Variants in PALM observed in about 807,000 individuals in gnomAD.
PALM encodes paralemmin, also known as paralemmin-1.
In PALM, 18 loss-of-function variants were observed where a neutral mutation model predicts 30.7. The ratio of observed to expected loss-of-function variants is 0.59; its 90% CI spans 0.41 to 0.87. PALM has a LOEUF of 0.87. Ranked by LOEUF, PALM falls within the 40% of genes least tolerant of loss-of-function variation. The pLI is 0.00. For missense variants in PALM, 529 were observed against 555.4 expected, an observed-to-expected ratio of 0.95 and a Z score of 0.48; for synonymous variants, 286 against 242.8, an observed-to-expected ratio of 1.18 and a Z score of -1.66.
chr19:709,189 G>A lies in PALM; in HGVS notation c.5+38G>A. ...GCTCGGGCCGCGGGGCTGGGGGCCC[G>A]GAGCTCCGGGAGCCGGGGAGGGGGG... On this transcript the variant is annotated intron_variant, in intron 1 of 8. Transcript: ENST00000338448. This position sits in a 1 kb window ranked among gnomAD's most constrained non-coding sequence, Gnocchi z 4.3. The A allele has an allele frequency of 3.2e-6, 1 of 312,940 alleles. No individual in the cohort carries two copies. Among genetic ancestry groups the A allele is most frequent in the Non-Finnish European group, 5.9e-6 (1 of 170,832 alleles). The allele number at this position is 312,940 out of a possible 1,614,324, so 19.4% of individuals were successfully genotyped here. A position where few individuals can be genotyped will look rare whatever the true frequency, so the allele number is the denominator to read the frequency against.
chr19:721,755 G>T (rs528368078), intron 1 of PALM, among the ~76,000 whole-genome samples: 12 of 151,382 alleles, frequency 7.9e-5, no homozygotes, highest in African/African-American at 2.4e-4. Flanking sequence ...GTGCCACCAT[G>T]CCCGGCTAAT....
At chr19:711,689 G>T (rs2032085070) in intron 1 of PALM, among the ~76,000 whole-genome samples, 1 of 152,174 alleles carries the variant, frequency 6.6e-6, no homozygotes, top group African/African-American at 2.4e-5. Context: ...GCCCAGTGTT[G>T]ATCACAATAT....
intron 1 of PALM, among the ~76,000 whole-genome samples, chr19:725,936 C>A (rs1167694558): frequency 6.6e-6 from 1 of 152,210 alleles, no homozygotes; most frequent in Non-Finnish European, 1.5e-5. Flanking sequence ...CTAGGCAGAG[C>A]CTCGTCCCCT....
chr19:717,317 TCCC>T (rs1161258100), intron 1 of PALM, among the ~76,000 whole-genome samples: 7 of 150,000 alleles, frequency 4.7e-5, no homozygotes, highest in Admixed American at 3.3e-4. Context: ...CCCGTCCCCC[TCCC>T]CCCAGCCCTC....
At chr19:722,171 G>A (rs966890350) in intron 1 of PALM, among the ~76,000 whole-genome samples, 5 of 152,062 alleles carry the variant, frequency 3.3e-5, no homozygotes, top group South Asian at 4.1e-4. Context: ...GCCCGCCTCG[G>A]CCTCCCAAAG....
At chr19:718,288 C>G (rs188493140) in intron 1 of PALM, among the ~76,000 whole-genome samples, 2 of 152,230 alleles carry the variant, frequency 1.3e-5, no homozygotes, top group Non-Finnish European at 2.9e-5. Context: ...GAGGAGGTGA[C>G]GTCTGCAGAA....
rs571716758 is a variant in PALM, at chr19:746,959, G to A, written c.*145G>A. On this transcript the variant is annotated 3_prime_UTR_variant, in exon 9 of 9. Coordinates refer to ENST00000338448, the MANE Select transcript of PALM (RefSeq NM_002579.3). The surrounding 1 kb of genome is among the most constrained non-coding windows in gnomAD (Gnocchi z 7.1). ...ACATGTTCCTTCCGAGTTTTCTTTC[G>A]CTGGAAAGAGGGACAGGGGCCCCCA... 31 of 625,282 alleles carry A rather than the reference G, an allele frequency of 5.0e-5. No individual in the cohort carries two copies. The highest frequency in any genetic ancestry group is 2.8e-4 in the South Asian group (14 of 50,566). 38.7% of individuals were successfully genotyped at this position (625,282 alleles called of 1,614,324 possible). A position where few individuals can be genotyped will look rare whatever the true frequency, so the allele number is the denominator to read the frequency against.
chr19:746,599 G>A lies in PALM; in HGVS notation c.949G>A (p.Val317Met), dbSNP rs1242742042. Residue 317 changes from valine (V) to methionine (M), a missense_variant, in exon 9 of 9, where the codon GTG becomes ATG. Physicochemically the swap from Val to Met is conservative, Grantham distance 21 (BLOSUM62 1). Coordinates refer to ENST00000338448, the MANE Select transcript of PALM (RefSeq NM_002579.3). This position sits in a 1 kb window ranked among gnomAD's most constrained non-coding sequence, Gnocchi z 7.1. ...NVEDEAETKK[V>M]LGLQDTITAE... ...GGAGGATGAGGCCGAGACCAAGAAG[G>A]TGCTGGGCCTTCAAGATACCATCAC... 1.5e-5 allele frequency: 25 copies of A among 1,613,406 alleles called. No individual in the cohort carries two copies. The highest frequency in any genetic ancestry group is 2.0e-5 in the Non-Finnish European group (24 of 1,179,920).
At position 727,585 on chromosome 19, in the gene PALM, T is replaced by C; in HGVS notation, c.160T>C (p.Trp54Arg). Residue 54 changes from tryptophan (W) to arginine (R), a missense_variant, in exon 4 of 9, where the codon TGG (tryptophan) becomes CGG (arginine). Physicochemically the swap from Trp to Arg is moderately radical, Grantham distance 101. Coordinates refer to ENST00000338448, the MANE Select transcript of PALM (RefSeq NM_002579.3). ...TCAGTCCAAGGCACTGCGGGAGCGC[T>C]GGCTGCTGGAGGGGACGCCGTCCTC... ...HLKSKALRER[W>R]LLEGTPSSAS... 1 of 1,589,854 alleles carries C rather than the reference T, an allele frequency of 6.3e-7. No homozygotes were observed. Among genetic ancestry groups the C allele is most frequent in the Non-Finnish European group, 8.6e-7 (1 of 1,169,084 alleles).
chr19:726,009 CTG>C (rs2032648771), intron 1 of PALM, 127 bp from the exon 2 acceptor site: 10 of 735,802 alleles, frequency 1.4e-5, no homozygotes, highest in Non-Finnish European at 2.1e-5. Context: ...GAAGGGGAAA[CTG>C]GGGTTCAGAG....
chr19:728,201 G>A (rs527421900), intron 4 of PALM, among the ~76,000 whole-genome samples: 1 of 152,336 alleles, frequency 6.6e-6, no homozygotes, highest in African/African-American at 2.4e-5. Context: ...GACAGGATGG[G>A]GAAAGTGGCA....
intron 7 of PALM, 131 bp downstream of exon 7, chr19:736,209 G>A (rs1230739674): frequency 6.1e-6 from 4 of 657,354 alleles, no homozygotes; most frequent in South Asian, 4.1e-5. Flanking sequence ...CCGTGGTTAT[G>A]GGGGTGGCAG....
chr19:719,563 C>T (rs1044797240), intron 1 of PALM: 19 of 986,216 alleles, frequency 1.9e-5, no homozygotes, highest in Non-Finnish European at 2.2e-5. Flanking sequence ...CCGGGACCCC[C>T]AGCACCTGCC....
At chr19:726,490 G>C (rs2032666015) in intron 2 of PALM, among the ~76,000 whole-genome samples, 1 of 152,150 alleles carries the variant, frequency 6.6e-6, no homozygotes, top group Non-Finnish European at 1.5e-5. Context: ...TGGGAGCACA[G>C]ATGTGCTTTG....
chr19:712,593 C>G (rs957035865), intron 1 of PALM, among the ~76,000 whole-genome samples: 3 of 151,300 alleles, frequency 2.0e-5, no homozygotes, highest in African/African-American at 7.3e-5. Flanking sequence ...CAGTGTTAGC[C>G]AGGATGGTCT....
Position 746,886 on chromosome 19 carries a change from C to A in PALM, c.*72C>A. ...CCAGCCCGGCCCCTCCCGGCGCCTG[C>A]CCACCCTCCACCCACAGCCTCACGG... is the stretch of plus-strand genomic sequence containing the variant. On this transcript the variant is annotated 3_prime_UTR_variant, in exon 9 of 9. Coordinates refer to ENST00000338448, the MANE Select transcript of PALM (RefSeq NM_002579.3). The surrounding 1 kb of genome is among the most constrained non-coding windows in gnomAD (Gnocchi z 7.1). The A allele has an allele frequency of 1.1e-6, 1 of 870,646 alleles. No homozygotes were observed. Among genetic ancestry groups the A allele is most frequent in the South Asian group, 1.7e-5 (1 of 58,118 alleles). 53.9% of individuals were successfully genotyped at this position (870,646 alleles called of 1,614,324 possible). A position where few individuals can be genotyped will look rare whatever the true frequency, so the allele number is the denominator to read the frequency against.
At chr19:727,351 C>T (rs979676491) in intron 3 of PALM, among the ~76,000 whole-genome samples, 1 of 149,986 alleles carries the variant, frequency 6.7e-6, no homozygotes, top group African/African-American at 2.5e-5. Context: ...CTGACCCCAA[C>T]CTCAATCCTG....
rs116171249 is a variant in PALM, at chr19:742,958, C to A, written c.634+2475C>A. 7.5e-3 allele frequency among the ~76,000 whole-genome samples: 1,140 copies of A among 152,270 alleles called. 11 individuals carry two copies. The highest frequency in any genetic ancestry group is 0.026 in the African/African-American group (1,075 of 41,528). On this transcript the variant is annotated intron_variant, in intron 8 of 8. Coordinates refer to ENST00000338448, the MANE Select transcript of PALM (RefSeq NM_002579.3). This position sits in a 1 kb window ranked among gnomAD's most constrained non-coding sequence, Gnocchi z 5.5. Reference sequence around the variant, plus strand: ...GGTCCTGAGGCGACTGTGTGGAGCTCCGTGAGGACCTGCTGTTTTCCACGG... The same window carrying A: ...GGTCCTGAGGCGACTGTGTGGAGCTACGTGAGGACCTGCTGTTTTCCACGG...
At chr19:731,676 T>C (rs1164666544) in intron 5 of PALM, among the ~76,000 whole-genome samples, 2 of 151,304 alleles carry the variant, frequency 1.3e-5, no homozygotes, top group South Asian at 2.1e-4. Flanking sequence ...AGTGTTTTTT[T>C]GCTTTTGTTG....
Sources: gnomAD v4.1 joint callset for allele counts (sites outside exome capture counted in the v4.1 genomes callset) on GRCh38, gnomAD v4.1.1 for gene constraint, Gnocchi (gnomAD v3.1) non-coding constraint, MANE v1.5 for transcripts, NCBI Gene and HGNC (gene_info 2026-07-23, HGNC 2026-07-21) for gene names.